ZNF117: variants seen among roughly 807,000 people sequenced by gnomAD.
ZNF117 encodes zinc finger protein 117, also known as Krueppel-related zinc finger protein.
ZNF117 carries 37 observed loss-of-function variants against 41.2 expected under a neutral mutation model. That is an observed-to-expected ratio of 0.90 (90% CI 0.69 to 1.18). The LOEUF (loss-of-function observed/expected upper bound fraction) is 1.18. ZNF117 is among the 50% of genes most tolerant of loss of function. ZNF117 has a pLI of 0.00. For synonymous variants in ZNF117, 186 were observed against 186.6 expected (o/e 1.00, Z 0.02); for missense variants, 546 against 557.5 (o/e 0.98, Z 0.21).
At chr7:64,975,352 A>G (rs1315408599) in exon 3 of ZNF117, 4 of 152,082 alleles carry the variant, frequency 2.6e-5, no homozygotes. Flanking sequence ...TAACTAAAAT[A>G]AAAGATATTT....
chr7:64,986,157 A>C (rs200159238), upstream of ZNF117, among the ~76,000 whole-genome samples: 1 of 120 alleles, frequency 8.3e-3, no homozygotes, highest in Non-Finnish European at 0.031. Flanking sequence ...AAGGTGTTAT[A>C]AAAAAAAAAT....
chr7:64,981,060 T>G, intron 2 of ZNF117: 1 of 269,062 alleles, frequency 3.7e-6, no homozygotes, highest in Non-Finnish European at 7.0e-6. Context: ...TAACATAGAG[T>G]TTCTCAAAAT....
upstream of ZNF117, among the ~76,000 whole-genome samples, chr7:64,983,054 G>A (rs114142015): frequency 1.9e-3 from 293 of 152,294 alleles, 1 homozygote; most frequent in African/African-American, 6.3e-3. Context: ...TTTTAATAGT[G>A]ATTTTAAGTA....
exon 3 of ZNF117, chr7:64,977,363 C>T: frequency 4.9e-6 from 2 of 409,974 alleles, no homozygotes; most frequent in South Asian, 1.9e-5. Flanking sequence ...GGGTTGAAGA[C>T]TGGCTAAAAG....
exon 1 of ZNF117, chr7:64,990,416 G>C (rs1448520743): frequency 5.4e-6 from 1 of 185,638 alleles, no homozygotes; most frequent in Non-Finnish European, 1.1e-5. Flanking sequence ...ACATCCAAAG[G>C]CTGAGCCCTG....
chr7:64,976,643 C>A (rs937594497), exon 3 of ZNF117: 1 of 269,304 alleles, frequency 3.7e-6, no homozygotes, highest in Non-Finnish European at 7.3e-6. Context: ...ATTCTTCACA[C>A]TTCTGGGAGT....
intron 1 of ZNF117, among the ~76,000 whole-genome samples, chr7:64,987,846 A>G (rs995013530): frequency 6.1e-5 from 9 of 146,482 alleles, no homozygotes; most frequent in African/African-American, 1.7e-4. Context: ...AAAAAAAAAG[A>G]CCAAAAAAAT....
chr7:64,981,198 G>C (rs990480990), intron 2 of ZNF117, 189 bp downstream of exon 3: 4 of 691,518 alleles, frequency 5.8e-6, no homozygotes, highest in Non-Finnish European at 9.4e-6. Flanking sequence ...TAAAGGGAAA[G>C]AGGAATCCTT....
chr7:64,978,014 A>G lies in ZNF117; in HGVS notation c.*105T>C, dbSNP rs150583363. ...ACTTCTCTCCAGTATGAATCATCTT[A>G]TGTTTAGTAAGGGTTGAGAAATGGT... On this transcript the variant is annotated 3_prime_UTR_variant, in exon 3 of 3. Transcript: ENST00000620222. 2.2e-3 allele frequency: 2,938 copies of G among 1,333,392 alleles called. 9 individuals are homozygous for G. The highest frequency in any genetic ancestry group is 2.8e-3 in the Non-Finnish European group (2,662 of 952,056). 82.6% of individuals were successfully genotyped at this position (1,333,392 alleles called of 1,614,324 possible).
exon 3 of ZNF117, chr7:64,978,008 CATCTT>C: frequency 7.7e-7 from 1 of 1,292,740 alleles, no homozygotes. Flanking sequence ...CAGTATGAAT[CATCTT>C]ATGTTTAGTA....
chr7:64,988,169 C>T (rs1295715971), intron 1 of ZNF117, among the ~76,000 whole-genome samples: 2 of 152,140 alleles, frequency 1.3e-5, no homozygotes, highest in Non-Finnish European at 2.9e-5. Context: ...AAACTTTAGG[C>T]CAATATCCTT....
At chr7:64,989,473 ATATATATATATATATATATATATAT>A (rs1562649369) in intron 1 of ZNF117, among the ~76,000 whole-genome samples, 7 of 117,362 alleles carry the variant, frequency 6.0e-5, no homozygotes, top group Non-Finnish European at 1.1e-4. Context: ...ATATATATAT[ATATATATATATATATATATATATAT>A]AAAACCTGAA....
chr7:64,975,337 AATTTT>A (rs1785861032), exon 3 of ZNF117: 4 of 150,468 alleles, frequency 2.7e-5, no homozygotes, highest in African/African-American at 9.8e-5. Flanking sequence ...ATTTTAATTT[AATTTT>A]AACTAAAATA....
At chr7:64,985,932 C>T (rs1390806953), upstream of ZNF117, among the ~76,000 whole-genome samples, 1 of 122,066 alleles carries the variant, frequency 8.2e-6, no homozygotes, top group Non-Finnish European at 1.6e-5. Flanking sequence ...GCCTGGGCAA[C>T]CAGGTGAGAC....
At chr7:64,974,219 G>C (rs980397847), downstream of ZNF117, 2 of 151,774 alleles carry the variant, frequency 1.3e-5, no homozygotes, top group Non-Finnish European at 2.9e-5. Context: ...CTTATCTTGT[G>C]TGCAGTACTG....
intron 1 of ZNF117, among the ~76,000 whole-genome samples, chr7:64,987,423 G>A (rs1191599463): frequency 1.3e-5 from 2 of 152,010 alleles, no homozygotes; most frequent in African/African-American, 2.4e-5. Flanking sequence ...AACTAGCAGA[G>A]GGCAAAAAGT....
At position 64,978,792 on chromosome 7, in the gene ZNF117, C is replaced by T. The variant is rs201310122; in HGVS notation, c.779G>A (p.Arg260Gln). ...CTTATGTTCAGTAAGTTTTGAGGAT[C>T]GGTTAAAAGCTTTGCCGCATTCTTC... is the stretch of plus-strand genomic sequence containing the variant. Residue 260 changes from arginine (R) to glutamine (Q), a missense_variant, in exon 3 of 3, where the codon CGA (arginine) becomes CAA (glutamine). Physicochemically the swap from Arg to Gln is conservative, Grantham distance 43. Transcript: ENST00000620222. 144 of 1,612,906 alleles carry T rather than the reference C, an allele frequency of 8.9e-5. 1 individual carries two copies. The African/African-American group carries it at 1.7e-3, about 19-fold the overall frequency.
exon 3 of ZNF117, chr7:64,976,572 T>A (rs1425722637): frequency 4.9e-6 from 1 of 202,302 alleles, no homozygotes; most frequent in Non-Finnish European, 1.0e-5. Flanking sequence ...TTTATATTTG[T>A]ACAATTTTTC....
intron 1 of ZNF117, among the ~76,000 whole-genome samples, chr7:64,989,491 A>ATATATATATG (rs1786214762): frequency 8.9e-6 from 1 of 111,732 alleles, no homozygotes; most frequent in Non-Finnish European, 1.9e-5. Flanking sequence ...ATATATATAT[A>ATATATATATG]TATATATAAA....
Sources: gnomAD v4.1 joint callset for allele counts (sites outside exome capture counted in the v4.1 genomes callset) on GRCh38, gnomAD v4.1.1 for gene constraint, MANE v1.5 for transcripts, NCBI Gene and HGNC (gene_info 2026-07-23, HGNC 2026-07-21) for gene names.